ZHX3: variants seen among roughly 807,000 people sequenced by gnomAD.
The protein encoded by ZHX3 is zinc fingers and homeoboxes protein 3.
ZHX3 carries 20 observed loss-of-function variants against 64.5 expected under a neutral mutation model. The observed-to-expected ratio is 0.31, with a 90% CI of 0.22 to 0.45. The LOEUF is 0.45. ZHX3 is among the 20% of genes least tolerant of loss of function. ZHX3 has a pLI of 1.00. For missense variants in ZHX3, 1,041 were observed against 1,195.8 expected (o/e 0.87, Z 1.91); for synonymous variants, 423 against 461.6 (o/e 0.92, Z 1.07).
chr20:41,276,412 G>A (rs895452502), intron 1 of ZHX3, among the ~76,000 whole-genome samples: 1 of 152,070 alleles, frequency 6.6e-6, no homozygotes, highest in Non-Finnish European at 1.5e-5. Context: ...GAGAGGAAGC[G>A]CCCTGCCTCA....
intron 2 of ZHX3, among the ~76,000 whole-genome samples, chr20:41,218,607 G>A (rs901988280): frequency 3.9e-5 from 6 of 152,092 alleles, no homozygotes; most frequent in Admixed American, 1.3e-4. Context: ...ATTAGACCAC[G>A]GTAAGTCAGT....
intron 1 of ZHX3, among the ~76,000 whole-genome samples, chr20:41,291,028 A>G (rs2146745702): frequency 6.6e-6 from 1 of 152,336 alleles, no homozygotes; most frequent in Non-Finnish European, 1.5e-5. Context: ...TGTTTGATGA[A>G]GCCCACTGAA....
intron 2 of ZHX3, among the ~76,000 whole-genome samples, chr20:41,218,993 G>A (rs927693193): frequency 6.8e-6 from 1 of 146,242 alleles, no homozygotes; most frequent in Admixed American, 7.0e-5. Context: ...GCAGTGGCGC[G>A]ATCTCGGCTC....
chr20:41,247,946 T>C (rs1600497344), intron 2 of ZHX3, among the ~76,000 whole-genome samples: 1 of 152,200 alleles, frequency 6.6e-6, no homozygotes, highest in East Asian at 1.9e-4. Flanking sequence ...TTCAAGCTCT[T>C]ACAGAGCCTC....
At chr20:41,225,045 T>C (rs1489388626) in intron 2 of ZHX3, among the ~76,000 whole-genome samples, 1 of 152,224 alleles carries the variant, frequency 6.6e-6, no homozygotes, top group Non-Finnish European at 1.5e-5. Flanking sequence ...CACATAATAA[T>C]CGTTTTCAGT....
At chr20:41,227,233 T>C (rs1262625349) in intron 2 of ZHX3, among the ~76,000 whole-genome samples, 1 of 152,166 alleles carries the variant, frequency 6.6e-6, no homozygotes, top group Non-Finnish European at 1.5e-5. Context: ...AAATGGAAGA[T>C]GCATTGGGAG....
chr20:41,249,658 A>G (rs779298211), intron 2 of ZHX3, among the ~76,000 whole-genome samples: 43 of 152,336 alleles, frequency 2.8e-4, no homozygotes, highest in Non-Finnish European at 4.1e-4. Context: ...CATTTAAAAC[A>G]ATCTTAGCAT....
At chr20:41,198,817 T>C (rs1245665832) in intron 3 of ZHX3, among the ~76,000 whole-genome samples, 3 of 152,158 alleles carry the variant, frequency 2.0e-5, no homozygotes, top group Non-Finnish European at 2.9e-5. Context: ...TATATGAGTA[T>C]ATGAGTATGA....
At chr20:41,315,789 T>C (rs999400517) in intron 1 of ZHX3, among the ~76,000 whole-genome samples, 1 of 152,184 alleles carries the variant, frequency 6.6e-6, no homozygotes. Flanking sequence ...AAAACACGTA[T>C]ACATGGGAAC....
Position 41,201,451 on chromosome 20 carries a change from ATCT to A in ZHX3, c.2860+603_2860+605del. The A allele has an allele frequency of 3.4e-6, 4 of 1,177,356 alleles. No individual in the cohort carries two copies. Among genetic ancestry groups the A allele is most frequent in the Middle Eastern group, 2.8e-4 (1 of 3,590 alleles). The allele number at this position is 1,177,356 out of a possible 1,614,324, so 72.9% of individuals were successfully genotyped here. On this transcript the variant is annotated intron_variant, in intron 3 of 3. Coordinates refer to ENST00000683867, the MANE Select transcript of ZHX3 (RefSeq NM_001384317.1). The surrounding 1 kb of genome is among the most constrained non-coding windows in gnomAD (Gnocchi z 5.0). ...CAAAACTATGTCTTAAATAAAAATA[ATCT>A]TCTATGATACATTTTGCTTTCGAGT...
At chr20:41,314,135 T>C (rs1600684131) in intron 1 of ZHX3, among the ~76,000 whole-genome samples, 2 of 152,168 alleles carry the variant, frequency 1.3e-5, no homozygotes, top group East Asian at 1.9e-4. Context: ...ACGCTCACAT[T>C]ACGACTTCTC....
intron 2 of ZHX3, among the ~76,000 whole-genome samples, chr20:41,231,092 G>C (rs1246977382): frequency 6.6e-6 from 1 of 152,136 alleles, no homozygotes; most frequent in Admixed American, 6.5e-5. Flanking sequence ...GCCTTTTTCA[G>C]AATGTCATAT....
At chr20:41,225,290 ACACT>A (rs748603186) in intron 2 of ZHX3, among the ~76,000 whole-genome samples, 2 of 152,208 alleles carry the variant, frequency 1.3e-5, no homozygotes, top group Non-Finnish European at 2.9e-5. Context: ...TATACAGGAA[ACACT>A]CAATAAATCA....
chr20:41,244,385 G>A lies in ZHX3; in HGVS notation c.-151+24605C>T, dbSNP rs560887198. On this transcript the variant is annotated intron_variant, in intron 2 of 3. Transcript: ENST00000683867. ...GGACTCTGACTACCTTAAAGCAAAC[G>A]GAGGGTCAGGCACAGTAGCTCACGC... 3.3e-5 allele frequency among the ~76,000 whole-genome samples: 5 copies of A among 152,240 alleles called. No individual in the cohort carries two copies. In the East Asian group the frequency reaches 5.8e-4, roughly 18 times the overall value.
At chr20:41,268,599 T>G (rs774820503) in intron 2 of ZHX3, among the ~76,000 whole-genome samples, 1 of 152,200 alleles carries the variant, frequency 6.6e-6, no homozygotes, top group Non-Finnish European at 1.5e-5. Flanking sequence ...GGTATTCAAA[T>G]TAGTTTTCTA....
At chr20:41,313,593 CTTTTTTTTTTTT>C in intron 1 of ZHX3, among the ~76,000 whole-genome samples, 1 of 103,780 alleles carries the variant, frequency 9.6e-6, no homozygotes, top group South Asian at 3.6e-4. Context: ...ACTTTTAGGC[CTTTTTTTTTTTT>C]TTTTTTTTTT....
In ZHX3 at chr20:41,203,388, T is replaced by TA; in HGVS notation, c.1528_1529insT (p.Lys510IlefsTer16). Reference sequence around the variant, plus strand: ...GAACTGGTTCCGACAGAAGCTCCCTTTCAGAGCTGACAGCTGTTCATGAGA... The same window carrying TA: ...GAACTGGTTCCGACAGAAGCTCCCTTATCAGAGCTGACAGCTGTTCATGAGA... On this transcript the variant is annotated frameshift_variant, in exon 3 of 4. Transcript: ENST00000683867. LOFTEE classifies it high-confidence loss of function. The surrounding 1 kb of genome is among the most constrained non-coding windows in gnomAD (Gnocchi z 7.1). 1.2e-6 allele frequency: 2 copies of TA among 1,614,202 alleles called. No individual in the cohort carries two copies. Among genetic ancestry groups the TA allele is most frequent in the Non-Finnish European group, 1.7e-6 (2 of 1,180,042 alleles).
chr20:41,268,730 A>G (rs2042983436), intron 2 of ZHX3, among the ~76,000 whole-genome samples: 2 of 152,248 alleles, frequency 1.3e-5, no homozygotes, highest in South Asian at 4.1e-4. Flanking sequence ...TGGTCAACCT[A>G]TAACAGATTC....
intron 1 of ZHX3, among the ~76,000 whole-genome samples, chr20:41,277,592 T>G (rs536831969): frequency 1.9e-3 from 291 of 151,896 alleles, no homozygotes; most frequent in Non-Finnish European, 3.4e-3. Context: ...CATGTTAATT[T>G]TTTTTTTCTT....
Sources: allele counts gnomAD v4.1 joint callset (sites outside exome capture counted in the v4.1 genomes callset), GRCh38; gene constraint gnomAD v4.1.1; non-coding constraint Gnocchi (gnomAD v3.1); transcripts MANE v1.5; gene names NCBI Gene and HGNC (gene_info 2026-07-23, HGNC 2026-07-21).